Variants in AGBL1 observed in about 807,000 individuals in gnomAD.
AGBL1 encodes the protein AGBL carboxypeptidase 1.
AGBL1 carries 130 observed loss-of-function variants against 118.9 expected under a neutral mutation model. The ratio of observed to expected loss-of-function variants is 1.09; its 90% CI spans 0.95 to 1.26. AGBL1 has a LOEUF of 1.26. Ranked by LOEUF, AGBL1 falls within the 50% of genes most tolerant of loss-of-function variation. The pLI is 0.00. For synonymous variants in AGBL1, 555 were observed against 478.9 expected (o/e 1.16, Z -2.08); for missense variants, 1,584 against 1,298.1 (o/e 1.22, Z -3.38).
chr15:86,120,625 T>C (rs1367470765), intron 1 of AGBL1, among the ~76,000 whole-genome samples: 1 of 152,348 alleles, frequency 6.6e-6, no homozygotes, highest in Non-Finnish European at 1.5e-5. Flanking sequence ...TCCACCATTG[T>C]GCCACTGGCA....
intron 22 of AGBL1, among the ~76,000 whole-genome samples, chr15:86,763,126 C>T (rs2078049291): frequency 6.6e-6 from 1 of 151,950 alleles, no homozygotes; most frequent in African/African-American, 2.4e-5. Context: ...CCAAATCACA[C>T]TCCTTTACCT....
At chr15:86,549,600 A>G (rs1165017835) in intron 20 of AGBL1, among the ~76,000 whole-genome samples, 1 of 152,144 alleles carries the variant, frequency 6.6e-6, no homozygotes, top group Admixed American at 6.6e-5. Context: ...ACCAAAAACT[A>G]CAATTTTGTG....
chr15:86,709,648 A>G (rs904897863), intron 22 of AGBL1, among the ~76,000 whole-genome samples: 13 of 152,194 alleles, frequency 8.5e-5, no homozygotes, highest in African/African-American at 3.1e-4. Flanking sequence ...GTCTTTGTTC[A>G]CCAATAACAT....
chr15:86,146,053 G>A (rs980670387), intron 3 of AGBL1, among the ~76,000 whole-genome samples: 2 of 152,120 alleles, frequency 1.3e-5, no homozygotes, highest in African/African-American at 4.8e-5. Context: ...AAGCTGGAGA[G>A]TCAGACATGG....
intron 21 of AGBL1, among the ~76,000 whole-genome samples, chr15:86,572,181 AG>A (rs35868254): frequency 6.6e-6 from 1 of 152,066 alleles, no homozygotes; most frequent in Non-Finnish European, 1.5e-5. Context: ...CCGGGCCCGC[AG>A]GGGGAAGTGC....
chr15:86,999,363 C>A (rs2081411906), intron 24 of AGBL1, among the ~76,000 whole-genome samples: 1 of 139,772 alleles, frequency 7.2e-6, no homozygotes, highest in African/African-American at 2.6e-5. Context: ...CGATGCTATC[C>A]CTCCCCCCTG....
intron 22 of AGBL1, among the ~76,000 whole-genome samples, chr15:86,729,948 T>A (rs1195103113): frequency 6.6e-6 from 1 of 152,190 alleles, no homozygotes; most frequent in Admixed American, 6.5e-5. Flanking sequence ...TTTTTTTGAC[T>A]TTAAAGTAAT....
chr15:86,442,832 AAG>A lies in AGBL1; in HGVS notation c.2555+45289_2555+45290del, dbSNP rs1481626063. On this transcript the variant is annotated intron_variant, in intron 18 of 22. Transcript: ENST00000614907. The stretch of plus-strand genomic sequence containing the variant: ...GGGGAAAATGTGTTAGAGAAAGGTG[AAG>A]AGGAAGCAGAGGAGACAGATGTGAC... Among the ~76,000 whole-genome samples the A allele has an allele frequency of 2.6e-5, 4 of 152,316 alleles. No homozygotes were observed. In the East Asian group the frequency reaches 7.7e-4, roughly 29 times the overall value.
intron 22 of AGBL1, among the ~76,000 whole-genome samples, chr15:86,777,577 T>G (rs2078276433): frequency 6.6e-6 from 1 of 152,146 alleles, no homozygotes; most frequent in African/African-American, 2.4e-5. Context: ...TAGGGAGAAT[T>G]GGGATATTTA....
At chr15:86,239,326 A>C (rs1040755042) in intron 6 of AGBL1, among the ~76,000 whole-genome samples, 1 of 152,262 alleles carries the variant, frequency 6.6e-6, no homozygotes, top group Non-Finnish European at 1.5e-5. Context: ...AGAGAAAAAA[A>C]GTACCCGAAA....
chr15:86,776,243 T>C (rs746384628), intron 22 of AGBL1, among the ~76,000 whole-genome samples: 2 of 152,176 alleles, frequency 1.3e-5, no homozygotes, highest in African/African-American at 2.4e-5. Context: ...AGTACCTTTC[T>C]GTCCTTTGCC....
chr15:86,939,090 C>T (rs1432295206), intron 23 of AGBL1: 1 of 152,246 alleles, frequency 6.6e-6, no homozygotes. Context: ...CCCTGCATAG[C>T]CTGTGTGATG....
At chr15:86,985,549 C>T (rs2141729928) in intron 23 of AGBL1, among the ~76,000 whole-genome samples, 1 of 152,246 alleles carries the variant, frequency 6.6e-6, no homozygotes, top group East Asian at 1.9e-4. Context: ...GGTGATGTGT[C>T]AATTCAAGAT....
intron 24 of AGBL1, among the ~76,000 whole-genome samples, chr15:86,990,624 A>T (rs1193238009): frequency 6.6e-6 from 1 of 152,238 alleles, no homozygotes; most frequent in Non-Finnish European, 1.5e-5. Flanking sequence ...TAAGAATTTC[A>T]TAAATATGTA....
At chr15:86,924,637 T>A (rs2080512527) in intron 23 of AGBL1, among the ~76,000 whole-genome samples, 1 of 152,152 alleles carries the variant, frequency 6.6e-6, no homozygotes, top group Admixed American at 6.5e-5. Flanking sequence ...AGAGAGGGAA[T>A]TGTGGTGGGG....
At chr15:86,169,124 C>T (rs2077380533) in intron 5 of AGBL1, among the ~76,000 whole-genome samples, 1 of 152,144 alleles carries the variant, frequency 6.6e-6, no homozygotes, top group South Asian at 2.1e-4. Context: ...ACTTGCAGCC[C>T]AGCAGACTCC....
At chr15:86,584,032 GTTAT>G (rs775095804) in intron 21 of AGBL1, among the ~76,000 whole-genome samples, 16 of 152,092 alleles carry the variant, frequency 1.1e-4, no homozygotes, top group South Asian at 4.2e-4. Context: ...TTTTAATGGG[GTTAT>G]TTTTTTGTTG....
intron 19 of AGBL1, among the ~76,000 whole-genome samples, chr15:86,541,808 A>G (rs189773518): frequency 1.2e-4 from 19 of 152,188 alleles, no homozygotes; most frequent in African/African-American, 4.3e-4. Flanking sequence ...ACCCACAACA[A>G]CTACCTCATG....
chr15:86,773,813 A>T (rs1162101105), intron 22 of AGBL1, among the ~76,000 whole-genome samples: 2 of 151,968 alleles, frequency 1.3e-5, no homozygotes, highest in South Asian at 4.1e-4. Flanking sequence ...CTAGGTGTGT[A>T]TGGAAAAGAA....
Sources: gnomAD v4.1 joint callset for allele counts (sites outside exome capture counted in the v4.1 genomes callset) on GRCh38, gnomAD v4.1.1 for gene constraint, MANE v1.5 for transcripts, NCBI Gene and HGNC (gene_info 2026-07-23, HGNC 2026-07-21) for gene names.